TMEM135: variants seen among roughly 807,000 people sequenced by gnomAD.
TMEM135 encodes the protein transmembrane protein 135.
TMEM135 carries 30 observed loss-of-function variants against 60.3 expected under a neutral mutation model. The observed-to-expected ratio is 0.50, with a 90% CI of 0.37 to 0.68. The LOEUF (loss-of-function observed/expected upper bound fraction) is 0.68, where lower values mean the gene tolerates loss of function less well. Ranked by LOEUF, TMEM135 falls within the 30% of genes least tolerant of loss-of-function variation. The probability of loss-of-function intolerance (pLI) is 0.00; values close to 1 mark genes in which losing one functional copy is unlikely to be tolerated. For missense variants in TMEM135, 468 were observed against 548.8 expected, an observed-to-expected ratio of 0.85 and a Z score of 1.47; for synonymous variants, 190 against 186.7, an observed-to-expected ratio of 1.02 and a Z score of -0.14.
intron 4 of TMEM135, 40 bp from the exon 5 acceptor site, chr11:87,157,301 A>G: frequency 6.5e-7 from 1 of 1,547,546 alleles, no homozygotes; most frequent in Non-Finnish European, 8.9e-7. Flanking sequence ...GAGAGATTGT[A>G]GATCATATAT....
intron 5 of TMEM135, among the ~76,000 whole-genome samples, chr11:87,184,272 C>T (rs80203355): frequency 0.018 from 2,807 of 152,104 alleles, 74 homozygotes; most frequent in East Asian, 0.074. Flanking sequence ...GTTTGATTTT[C>T]GATAGCCTTT....
At chr11:87,195,389 CCT>C (rs879364956) in intron 5 of TMEM135, among the ~76,000 whole-genome samples, 2,572 of 81,794 alleles carry the variant, frequency 0.031, 223 homozygotes, top group Middle Eastern at 0.073. Context: ...TTCCTTCCTT[CCT>C]TCTCTCTCTC....
intron 4 of TMEM135, among the ~76,000 whole-genome samples, chr11:87,139,441 C>T (rs483373): frequency 0.48 from 72,426 of 151,892 alleles, 17,554 homozygotes; most frequent in East Asian, 0.67. Flanking sequence ...TTCCCCTTTG[C>T]GGTTTTCTCT....
chr11:87,306,241 T>G (rs747741505), intron 9 of TMEM135, among the ~76,000 whole-genome samples: 34 of 152,208 alleles, frequency 2.2e-4, no homozygotes, highest in Non-Finnish European at 4.3e-4. Flanking sequence ...AAAATTGGCT[T>G]AATTAAAACT....
intron 5 of TMEM135, among the ~76,000 whole-genome samples, chr11:87,217,367 G>C (rs2135349664): frequency 6.6e-6 from 1 of 152,052 alleles, no homozygotes; most frequent in South Asian, 2.1e-4. Flanking sequence ...TTGAAGGGCT[G>C]GGTTTGTGGA....
chr11:87,125,291 A>G (rs1019234600), intron 4 of TMEM135, among the ~76,000 whole-genome samples: 5 of 152,234 alleles, frequency 3.3e-5, no homozygotes, highest in Non-Finnish European at 7.3e-5. Flanking sequence ...CAATAAGTAA[A>G]TAAATTAAAA....
At chr11:87,137,682 T>C (rs372568614) in intron 4 of TMEM135, among the ~76,000 whole-genome samples, 1 of 149,536 alleles carries the variant, frequency 6.7e-6, no homozygotes, top group Admixed American at 6.7e-5. Flanking sequence ...TTTTTTTTTA[T>C]TATTTTGTTT....
chr11:87,321,072 T>G, intron 14 of TMEM135, 129 bp from the exon 15 acceptor site: 1 of 760,280 alleles, frequency 1.3e-6, no homozygotes, highest in Non-Finnish European at 2.1e-6. Flanking sequence ...AATCTGCCAT[T>G]GAATTTAGAT....
At chr11:87,223,632 GAAACA>G (rs945927265) in intron 5 of TMEM135, among the ~76,000 whole-genome samples, 7 of 151,644 alleles carry the variant, frequency 4.6e-5, no homozygotes, top group African/African-American at 1.7e-4. Flanking sequence ...CCAACATGGT[GAAACA>G]CTGTCTCTAC....
rs1478212343 is a variant in TMEM135, at chr11:87,042,893, TTG to T, written c.141+4711_141+4712del. ...TTCCTTTTATTATAATAGTGAATCTTTGTGTTTTCACAATTTGTAAAGAATAT... is the reference window on the plus strand; with the variant it reads ...TTCCTTTTATTATAATAGTGAATCTTTGTTTTCACAATTTGTAAAGAATAT... On this transcript the variant is annotated intron_variant, in intron 1 of 14. Transcript: ENST00000305494. Among the ~76,000 whole-genome samples the T allele has an allele frequency of 2.0e-5, 3 of 152,064 alleles. No individual in the cohort carries two copies. The East Asian group carries it at 5.8e-4, about 29-fold the overall frequency.
At chr11:87,222,639 A>G (rs1940661595) in intron 5 of TMEM135, among the ~76,000 whole-genome samples, 1 of 151,304 alleles carries the variant, frequency 6.6e-6, no homozygotes, top group Non-Finnish European at 1.5e-5. Context: ...CCCCGTCTCT[A>G]TTAAAAATAC....
intron 5 of TMEM135, 22 bp from the exon 6 acceptor site, chr11:87,236,616 A>G (rs975687858): frequency 6.2e-7 from 1 of 1,609,262 alleles, no homozygotes; most frequent in Non-Finnish European, 8.5e-7. Flanking sequence ...TTTGCAAGTA[A>G]TATATTTTCT....
intron 5 of TMEM135, among the ~76,000 whole-genome samples, chr11:87,179,541 C>G (rs768083041): frequency 1.8e-4 from 27 of 152,028 alleles, no homozygotes; most frequent in Non-Finnish European, 3.2e-4. Context: ...GTGTGAGATA[C>G]TCTGGTTTCT....
chr11:87,172,269 C>A (rs1591076276), intron 5 of TMEM135, among the ~76,000 whole-genome samples: 1 of 152,002 alleles, frequency 6.6e-6, no homozygotes, highest in Admixed American at 6.6e-5. Flanking sequence ...TTTTTTAATT[C>A]TTTCTTCTTT....
intron 4 of TMEM135, among the ~76,000 whole-genome samples, chr11:87,116,638 C>G (rs1387368): frequency 7.8e-6 from 1 of 128,776 alleles, no homozygotes; most frequent in Middle Eastern, 3.9e-3. Context: ...CATACACACA[C>G]ACACACACAG....
At chr11:87,111,374 G>A (rs1857741512) in intron 4 of TMEM135, among the ~76,000 whole-genome samples, 1 of 151,964 alleles carries the variant, frequency 6.6e-6, no homozygotes, top group Admixed American at 6.6e-5. Flanking sequence ...CTAGCCTGGC[G>A]CTGTGGCTCA....
intron 7 of TMEM135, among the ~76,000 whole-genome samples, chr11:87,298,790 A>AAAAAAT (rs1942392929): frequency 6.7e-6 from 1 of 148,590 alleles, no homozygotes. Flanking sequence ...CTGTCTCAAA[A>AAAAAAT]AAAAAAAAAA....
chr11:87,284,862 C>G (rs527842621), intron 6 of TMEM135, among the ~76,000 whole-genome samples: 56 of 152,152 alleles, frequency 3.7e-4, no homozygotes, highest in Non-Finnish European at 7.8e-4. Flanking sequence ...GTTGAGTTTT[C>G]TCATACTAAG....
chr11:87,119,663 T>G (rs1857990314), intron 4 of TMEM135, among the ~76,000 whole-genome samples: 1 of 152,256 alleles, frequency 6.6e-6, no homozygotes. Context: ...ATCGTGCCAC[T>G]GCACTCCAGC....
Sources: allele counts gnomAD v4.1 joint callset (sites outside exome capture counted in the v4.1 genomes callset), GRCh38; gene constraint gnomAD v4.1.1; transcripts MANE v1.5; gene names NCBI Gene and HGNC (gene_info 2026-07-23, HGNC 2026-07-21).